IL1RAPL1: variants seen among roughly 807,000 people sequenced by gnomAD.
IL1RAPL1 encodes interleukin 1 receptor accessory protein like 1.
In IL1RAPL1, 3 loss-of-function variants were observed where a neutral mutation model predicts 48.4. That is an observed-to-expected ratio of 0.06 (90% CI 0.03 to 0.16). The LOEUF (loss-of-function observed/expected upper bound fraction) is 0.16, where lower values mean the gene tolerates loss of function less well. IL1RAPL1 is among the 10% of genes least tolerant of loss of function. The probability of loss-of-function intolerance (pLI) is 1.00; values close to 1 mark genes in which losing one functional copy is unlikely to be tolerated. For synonymous variants in IL1RAPL1, 185 were observed against 187.7 expected (o/e 0.99, Z 0.12); for missense variants, 349 against 530.6 (o/e 0.66, Z 3.36).
chrX:29,425,855 A>G (rs547611093), intron 5 of IL1RAPL1, among the ~76,000 whole-genome samples: 1 of 111,212 alleles, frequency 9.0e-6, no homozygotes, highest in African/African-American at 3.3e-5. Context: ...GATTATAGGC[A>G]TGAACCACCG....
chrX:29,324,116 GTGT>G (rs1484476091), intron 3 of IL1RAPL1, among the ~76,000 whole-genome samples: 1 of 110,011 alleles, frequency 9.1e-6, no homozygotes, highest in Non-Finnish European at 1.9e-5. Flanking sequence ...TGTATAAGAT[GTGT>G]TTTCTCATGA....
chrX:29,593,683 CTACTCATT>C lies in IL1RAPL1; in HGVS notation c.704-74738_704-74731del, dbSNP rs755383587. Reference sequence around the variant, plus strand: ...TTCTTTTTTGAACCAGCCACAATTTCTACTCATTTACTCATTAGTTAAATAGACTCTTT... The same window carrying C: ...TTCTTTTTTGAACCAGCCACAATTTCTACTCATTAGTTAAATAGACTCTTT... On this transcript the variant is annotated intron_variant, in intron 5 of 10. Transcript: ENST00000378993. Among the ~76,000 whole-genome samples, 17 of 112,130 alleles carry C rather than the reference CTACTCATT, an allele frequency of 1.5e-4. No homozygotes were observed. In the South Asian group the frequency reaches 6.3e-3, roughly 42 times the overall value.
chrX:29,653,411 A>G (rs1174194757), intron 5 of IL1RAPL1, among the ~76,000 whole-genome samples: 1 of 111,790 alleles, frequency 8.9e-6, no homozygotes, highest in Non-Finnish European at 1.9e-5. Context: ...GCTACTAAGA[A>G]CAAATTTGCA....
intron 5 of IL1RAPL1, among the ~76,000 whole-genome samples, chrX:29,550,041 A>G (rs1921751351): frequency 8.9e-6 from 1 of 111,817 alleles, no homozygotes; most frequent in Non-Finnish European, 1.9e-5. Flanking sequence ...TTAGTATTAC[A>G]TATTTCAGTG....
At chrX:28,689,098 C>G (rs916536936) in intron 1 of IL1RAPL1, among the ~76,000 whole-genome samples, 1 of 111,037 alleles carries the variant, frequency 9.0e-6, no homozygotes, top group African/African-American at 3.3e-5. Context: ...CGTCAGTTCG[C>G]TCAGTAAATG....
At chrX:29,356,236 G>A (rs926537022) in intron 3 of IL1RAPL1, among the ~76,000 whole-genome samples, 16 of 110,565 alleles carry the variant, frequency 1.4e-4, no homozygotes, top group Non-Finnish European at 1.9e-5. Context: ...ATATATATGT[G>A]TGTACACGTG....
intron 5 of IL1RAPL1, among the ~76,000 whole-genome samples, chrX:29,468,552 G>A (rs1302754428): frequency 1.2e-5 from 1 of 81,412 alleles, no homozygotes; most frequent in African/African-American, 3.6e-5. Context: ...ATAATTCTTC[G>A]ACTTTTTTAC....
At chrX:28,931,966 C>T (rs957348308) in intron 2 of IL1RAPL1, among the ~76,000 whole-genome samples, 19 of 107,981 alleles carry the variant, frequency 1.8e-4, no homozygotes, top group East Asian at 8.6e-4. Context: ...GTCATGAACC[C>T]GGGAGGCAGA....
chrX:29,936,733 A>G (rs894659898), intron 8 of IL1RAPL1, among the ~76,000 whole-genome samples: 2 of 111,831 alleles, frequency 1.8e-5, no homozygotes, highest in African/African-American at 3.2e-5. Flanking sequence ...ATAGTATACT[A>G]GGTAATTGCA....
At chrX:29,684,796 A>C (rs752154839) in intron 6 of IL1RAPL1, among the ~76,000 whole-genome samples, 1 of 112,104 alleles carries the variant, frequency 8.9e-6, no homozygotes, top group Non-Finnish European at 1.9e-5. Context: ...TGCCTAGTTC[A>C]TCAGAGTTTT....
chrX:28,721,229 A>C (rs1415876152), intron 1 of IL1RAPL1, among the ~76,000 whole-genome samples: 2 of 111,712 alleles, frequency 1.8e-5, no homozygotes, highest in African/African-American at 6.5e-5. Flanking sequence ...AAGTGTTCCC[A>C]TTTCTCCACA....
chrX:29,483,715 G>T (rs1407086075), intron 5 of IL1RAPL1, among the ~76,000 whole-genome samples: 1 of 107,370 alleles, frequency 9.3e-6, no homozygotes, highest in African/African-American at 3.4e-5. Context: ...TTAAGACAGG[G>T]CCCGGCTCTG....
intron 3 of IL1RAPL1, among the ~76,000 whole-genome samples, chrX:29,393,175 G>C (rs1933875629): frequency 8.9e-6 from 1 of 111,848 alleles, no homozygotes; most frequent in African/African-American, 3.2e-5. Flanking sequence ...GCCCAGGCTT[G>C]CAGTCTCGCG....
chrX:29,200,318 G>A (rs183977834), intron 2 of IL1RAPL1, among the ~76,000 whole-genome samples: 2 of 111,148 alleles, frequency 1.8e-5, no homozygotes, highest in East Asian at 5.6e-4. Flanking sequence ...GGTTCTCTGT[G>A]GCACAGCCCC....
intron 6 of IL1RAPL1, among the ~76,000 whole-genome samples, chrX:29,723,342 G>A (rs907501167): frequency 8.9e-6 from 1 of 112,080 alleles, no homozygotes; most frequent in Non-Finnish European, 1.9e-5. Context: ...TGTGCCTCCC[G>A]GGCTCAAGTG....
chrX:28,752,310 T>A (rs1406918184), intron 1 of IL1RAPL1, among the ~76,000 whole-genome samples: 2 of 111,747 alleles, frequency 1.8e-5, no homozygotes, highest in African/African-American at 6.5e-5. Context: ...AGTTCTACAA[T>A]AATACTGTAT....
intron 2 of IL1RAPL1, among the ~76,000 whole-genome samples, chrX:28,890,819 CAT>C (rs752440590): frequency 8.9e-6 from 1 of 112,032 alleles, no homozygotes; most frequent in Admixed American, 9.5e-5. Context: ...ATTGTGCCCT[CAT>C]AGAAACCACT....
chrX:28,773,311 A>G (rs980327745), intron 1 of IL1RAPL1, among the ~76,000 whole-genome samples: 2 of 111,364 alleles, frequency 1.8e-5, no homozygotes, highest in African/African-American at 6.5e-5. Flanking sequence ...TCCTGGCCTT[A>G]AGTGATTCTC....
In IL1RAPL1 at chrX:28,867,355, C is replaced by A. The variant is rs535400654; in HGVS notation, c.82+77930C>A. On this transcript the variant is annotated intron_variant, in intron 2 of 10. Transcript: ENST00000378993. ...TAGAACTTTGCTAGTCATAATTGAC[C>A]ATGGAGATAAGTACCACACTCTAGG... Among the ~76,000 whole-genome samples the A allele has an allele frequency of 5.4e-5, 6 of 111,379 alleles. No homozygotes were observed. In the South Asian group the frequency reaches 2.3e-3, roughly 42 times the overall value.
Sources: allele counts gnomAD v4.1 joint callset (sites outside exome capture counted in the v4.1 genomes callset), GRCh38; gene constraint gnomAD v4.1.1; transcripts MANE v1.5; gene names NCBI Gene and HGNC (gene_info 2026-07-23, HGNC 2026-07-21).